The following SPIRE1 variants were observed in gnomAD, a reference collection of about 807,000 sequenced individuals.
The protein encoded by SPIRE1 is spire type actin nucleation factor 1, also known as protein spire homolog 1.
Under a neutral mutation model 94.1 loss-of-function variants are expected in SPIRE1, and 40 were observed. The observed-to-expected ratio is 0.43, with a 90% CI of 0.33 to 0.55. The LOEUF is 0.55. SPIRE1 is among the 20% of genes least tolerant of loss of function. SPIRE1 has a pLI of 0.06. For missense variants in SPIRE1, 838 were observed against 975.2 expected, an observed-to-expected ratio of 0.86 and a Z score of 1.87; for synonymous variants, 376 against 371.7, an observed-to-expected ratio of 1.01 and a Z score of -0.13.
At chr18:12,656,441 A>G (rs1447083135) in intron 1 of SPIRE1, 1 of 152,318 alleles carries the variant, frequency 6.6e-6, no homozygotes, top group Non-Finnish European at 1.5e-5. Flanking sequence ...TGTTTACCTG[A>G]CACTAAAAAA....
chr18:12,476,290 G>C (rs2032573130), intron 10 of SPIRE1, among the ~76,000 whole-genome samples: 1 of 150,896 alleles, frequency 6.6e-6, no homozygotes, highest in African/African-American at 2.5e-5. Context: ...TGTAATCCCA[G>C]CTCTTTGGGA....
chr18:12,583,842 A>G (rs1297952680), intron 2 of SPIRE1, among the ~76,000 whole-genome samples: 1 of 151,470 alleles, frequency 6.6e-6, no homozygotes, highest in Non-Finnish European at 1.5e-5. Context: ...GGAGGATCAC[A>G]TGAGCCTAGA....
chr18:12,523,928 G>GT, intron 4 of SPIRE1, among the ~76,000 whole-genome samples: 1 of 152,194 alleles, frequency 6.6e-6, no homozygotes, highest in Admixed American at 6.5e-5. Flanking sequence ...TAGGAAGAAA[G>GT]TATTTTTTAA....
intron 2 of SPIRE1, among the ~76,000 whole-genome samples, chr18:12,622,524 G>A (rs1014348371): frequency 2.0e-4 from 30 of 146,894 alleles, no homozygotes; most frequent in African/African-American, 7.3e-4. Flanking sequence ...CCCGGTTCAC[G>A]CCATTCTCCT....
Position 12,611,963 on chromosome 18 carries a change from T to C in SPIRE1, c.372+23099A>G, listed in dbSNP as rs146389577. Among the ~76,000 whole-genome samples, 365 of 152,234 alleles carry C rather than the reference T, an allele frequency of 2.4e-3. 3 individuals are homozygous for C. The highest frequency in any genetic ancestry group is 0.014 in the South Asian group (69 of 4,824). On this transcript the variant is annotated intron_variant, in intron 2 of 16. Transcript: ENST00000409402. ...TGCTGAGATTACAGGCGTGAGCCAC[T>C]GTGCCCAGCTTAATTTGTTATGTAG...
At chr18:12,612,648 T>C (rs544170583) in intron 2 of SPIRE1, among the ~76,000 whole-genome samples, 6 of 152,326 alleles carry the variant, frequency 3.9e-5, no homozygotes, top group East Asian at 3.9e-4. Flanking sequence ...GAAATTTGTA[T>C]GCATATTAAA....
intron 2 of SPIRE1, among the ~76,000 whole-genome samples, chr18:12,548,140 C>A (rs1044167335): frequency 6.6e-6 from 1 of 152,210 alleles, no homozygotes; most frequent in African/African-American, 2.4e-5. Flanking sequence ...GGTACAATAT[C>A]TGACTTATTA....
chr18:12,535,206 A>G (rs1413450020), intron 4 of SPIRE1, among the ~76,000 whole-genome samples: 1 of 152,244 alleles, frequency 6.6e-6, no homozygotes, highest in African/African-American at 2.4e-5. Context: ...GGACTGAACT[A>G]GTTCAGTAGC....
intron 1 of SPIRE1, among the ~76,000 whole-genome samples, chr18:12,648,693 C>G (rs540250429): frequency 1.3e-4 from 19 of 151,826 alleles, no homozygotes; most frequent in Non-Finnish European, 2.6e-4. Context: ...AGTTTGAGAC[C>G]AGCCTGACCA....
intron 1 of SPIRE1, among the ~76,000 whole-genome samples, chr18:12,652,483 T>A (rs1010039381): frequency 6.6e-6 from 1 of 152,220 alleles, no homozygotes; most frequent in South Asian, 2.1e-4. Flanking sequence ...CCTCCTGTCA[T>A]CACAGAAATA....
intron 9 of SPIRE1, among the ~76,000 whole-genome samples, chr18:12,481,797 T>G (rs1019396108): frequency 2.6e-5 from 4 of 152,128 alleles, no homozygotes; most frequent in African/African-American, 9.7e-5. Context: ...AATCTTTCAA[T>G]AAGGAGATAA....
intron 7 of SPIRE1, among the ~76,000 whole-genome samples, chr18:12,494,623 A>G (rs2033372882): frequency 6.6e-6 from 1 of 151,786 alleles, no homozygotes. Context: ...AGGTCAGGAA[A>G]TCAAGATCAT....
chr18:12,615,925 C>G (rs2037295386), intron 2 of SPIRE1, among the ~76,000 whole-genome samples: 1 of 152,262 alleles, frequency 6.6e-6, no homozygotes, highest in Admixed American at 6.5e-5. Flanking sequence ...CCTTAGCAAC[C>G]TTTTACAGCT....
intron 2 of SPIRE1, among the ~76,000 whole-genome samples, chr18:12,583,119 C>T (rs1284881350): frequency 6.6e-6 from 1 of 152,162 alleles, no homozygotes; most frequent in East Asian, 1.9e-4. Context: ...TGAAACATGA[C>T]AGATGGCACA....
chr18:12,608,409 C>CTAGTAAGG (rs1239220738), intron 2 of SPIRE1, among the ~76,000 whole-genome samples: 3 of 152,122 alleles, frequency 2.0e-5, no homozygotes, highest in Non-Finnish European at 4.4e-5. Flanking sequence ...CCGTTTGTTT[C>CTAGTAAGG]TAGTAAGGTA....
Position 12,641,284 on chromosome 18 carries a change from G to GA in SPIRE1, c.338-6189dup, listed in dbSNP as rs377600381. ...GGGACAATTTTTGTATTATTACTAG[G>GA]AAAAAAAACCCATAGTTTTGTAGTT... On this transcript the variant is annotated intron_variant, in intron 1 of 16. Coordinates refer to ENST00000409402, the MANE Select transcript of SPIRE1 (RefSeq NM_001128626.2). Among the ~76,000 whole-genome samples the GA allele has an allele frequency of 2.2e-3, 332 of 150,558 alleles. 2 individuals are homozygous for GA. Among genetic ancestry groups the GA allele is most frequent in the African/African-American group, 7.2e-3 (297 of 41,156 alleles).
intron 2 of SPIRE1, among the ~76,000 whole-genome samples, chr18:12,623,926 C>G (rs1316490037): frequency 6.7e-6 from 1 of 149,676 alleles, no homozygotes; most frequent in Non-Finnish European, 1.5e-5. Context: ...CTGCACTCGG[C>G]CTTTTTTTTT....
chr18:12,449,944 G>A, intron 16 of SPIRE1, 48 bp from the exon 17 acceptor site: 1 of 1,558,514 alleles, frequency 6.4e-7, no homozygotes, highest in Non-Finnish European at 8.7e-7. Context: ...TTATAGGTCT[G>A]CTGCAATATT....
chr18:12,565,315 G>C (rs1015822865), intron 2 of SPIRE1, among the ~76,000 whole-genome samples: 1 of 152,286 alleles, frequency 6.6e-6, no homozygotes, highest in Admixed American at 6.5e-5. Context: ...CATCAACCTA[G>C]AGTTTTGTAT....
Sources: gnomAD v4.1 joint callset for allele counts (sites outside exome capture counted in the v4.1 genomes callset) on GRCh38, gnomAD v4.1.1 for gene constraint, MANE v1.5 for transcripts, NCBI Gene and HGNC (gene_info 2026-07-23, HGNC 2026-07-21) for gene names.